The following HACD1 variants were observed in gnomAD, a reference collection of about 807,000 sequenced individuals.
HACD1 encodes 3-hydroxyacyl-CoA dehydratase 1.
HACD1 carries 41 observed loss-of-function variants against 32.0 expected under a neutral mutation model. The ratio of observed to expected loss-of-function variants is 1.28; its 90% CI spans 1.00 to 1.66. The LOEUF (loss-of-function observed/expected upper bound fraction) is 1.66. Ranked by LOEUF, HACD1 falls within the 40% of genes most tolerant of loss-of-function variation. HACD1 has a pLI of 0.00. For synonymous variants in HACD1, 142 were observed against 139.0 expected, an observed-to-expected ratio of 1.02 and a Z score of -0.15; for missense variants, 396 against 380.1, an observed-to-expected ratio of 1.04 and a Z score of -0.35.
chr10:17,608,756 G>A (rs1166878632), intron 1 of HACD1, among the ~76,000 whole-genome samples: 1 of 152,094 alleles, frequency 6.6e-6, no homozygotes, highest in Admixed American at 6.6e-5. Flanking sequence ...CAAAGTACTG[G>A]GGTTACAGAC....
At chr10:17,592,170 C>T (rs571515649) in intron 6 of HACD1, among the ~76,000 whole-genome samples, 34 of 151,430 alleles carry the variant, frequency 2.2e-4, no homozygotes, top group Non-Finnish European at 4.0e-4. Context: ...TTAGTAGAGA[C>T]GGGGTTTCAC....
chr10:17,612,853 C>T (rs1264750646), intron 1 of HACD1, among the ~76,000 whole-genome samples: 1 of 146,600 alleles, frequency 6.8e-6, no homozygotes, highest in Non-Finnish European at 1.5e-5. Flanking sequence ...ATCCGGGAGG[C>T]GGAACTTGCA....
In HACD1 at chr10:17,604,034, C is replaced by A; in HGVS notation, c.271G>T (p.Ala91Ser). 6.4e-7 allele frequency: 1 copy of A among 1,572,154 alleles called. No individual in the cohort carries two copies. Among genetic ancestry groups the A allele is most frequent in the Admixed American group, 2.1e-5 (1 of 47,770 alleles). ...IAMTAGWLVL[A>S]IAMVRFYMEK... ...ATATAAAAACGTACCATGGCAATAG[C>A]TAGAACCAACCACCTAAAAAAAAAA... The change falls in exon 2 of 7, where the codon GCT becomes TCT. Residue 91 changes from alanine (A) to serine (S), a missense_variant. By Grantham distance (99) the Ala-to-Ser change is moderately conservative (BLOSUM62 1). Coordinates refer to ENST00000361271, the MANE Select transcript of HACD1 (RefSeq NM_014241.4).
intron 1 of HACD1, among the ~76,000 whole-genome samples, chr10:17,611,625 G>A (rs146827539): frequency 1.4e-3 from 208 of 152,304 alleles, no homozygotes; most frequent in African/African-American, 4.7e-3. Context: ...AAAGAGAGAG[G>A]GAGGGAGAGA....
intron 6 of HACD1, among the ~76,000 whole-genome samples, chr10:17,593,893 C>T (rs1833960718): frequency 6.6e-6 from 1 of 152,042 alleles, no homozygotes; most frequent in Non-Finnish European, 1.5e-5. Flanking sequence ...GTAAAAAGTG[C>T]ACTAATGCTT....
Position 17,594,183 on chromosome 10 carries a change from G to C in HACD1, c.784+22C>G, listed in dbSNP as rs2272144. The C allele has an allele frequency of 0.26, 349,457 of 1,356,336 alleles. 47,594 individuals are homozygous for C. Among genetic ancestry groups the C allele is most frequent in the Non-Finnish European group, 0.28 (286,478 of 1,034,220 alleles). The allele number at this position is 1,356,336 out of a possible 1,614,324, so 84.0% of individuals were successfully genotyped here. On this transcript the variant is annotated intron_variant, in intron 6 of 6. Coordinates refer to ENST00000361271, the MANE Select transcript of HACD1 (RefSeq NM_014241.4). ...TTTCCACATCATATGTCAAATCAAAGTACTAATAAGTATATACTTACAAGG... is the reference window on the plus strand; with the variant it reads ...TTTCCACATCATATGTCAAATCAAACTACTAATAAGTATATACTTACAAGG...
chr10:17,605,367 A>G (rs1201797936), intron 1 of HACD1, among the ~76,000 whole-genome samples: 4 of 151,770 alleles, frequency 2.6e-5, no homozygotes, highest in Non-Finnish European at 5.9e-5. Context: ...TCTACTAAAA[A>G]TACGAAAATT....
intron 5 of HACD1, among the ~76,000 whole-genome samples, chr10:17,597,836 G>A (rs1470408862): frequency 6.6e-6 from 1 of 152,064 alleles, no homozygotes; most frequent in Non-Finnish European, 1.5e-5. Flanking sequence ...CATATAAATG[G>A]TAGTACAACC....
intron 1 of HACD1, among the ~76,000 whole-genome samples, chr10:17,612,783 G>T (rs944620991): frequency 2.0e-5 from 3 of 151,954 alleles, no homozygotes; most frequent in South Asian, 2.1e-4. Flanking sequence ...TTAGCCGGGC[G>T]TGGTGGCGGG....
chr10:17,603,998 T>C lies in HACD1; in HGVS notation c.307A>G (p.Thr103Ala). The change falls in exon 2 of 7, where the codon ACA (threonine) becomes GCA (alanine). Residue 103 changes from threonine (T) to alanine (A), a missense_variant. Thr to Ala is a moderately conservative substitution (Grantham distance 58, BLOSUM62 0). Transcript: ENST00000361271. Reference sequence around the variant, plus strand: ...ATACTTTTATATAAACCTCTGTGTGTTCCTTTTTCCATATAAAAACGTACC... The same window carrying C: ...ATACTTTTATATAAACCTCTGTGTGCTCCTTTTTCCATATAAAAACGTACC... ...AMVRFYMEKG[T>A]HRGLYKSIQK... The C allele has an allele frequency of 6.2e-7, 1 of 1,605,558 alleles. No individual in the cohort carries two copies. Among genetic ancestry groups the C allele is most frequent in the Non-Finnish European group, 8.5e-7 (1 of 1,177,904 alleles).
chr10:17,616,139 G>C (rs1833079638), intron 1 of HACD1, among the ~76,000 whole-genome samples: 1 of 151,598 alleles, frequency 6.6e-6, no homozygotes, highest in Non-Finnish European at 1.5e-5. Context: ...CGTGGTGGCG[G>C]GCGCCTGTAG....
At chr10:17,610,643 A>G (rs942576723) in intron 1 of HACD1, among the ~76,000 whole-genome samples, 4 of 152,178 alleles carry the variant, frequency 2.6e-5, no homozygotes, top group African/African-American at 9.7e-5. Context: ...AAAAAAAAAA[A>G]AAAGTACAAT....
In HACD1 at chr10:17,608,197, G is replaced by A. The variant is rs549233575; in HGVS notation, c.258-4150C>T. Among the ~76,000 whole-genome samples, 426 of 151,942 alleles carry A rather than the reference G, an allele frequency of 2.8e-3. 3 individuals carry two copies. Among genetic ancestry groups the A allele is most frequent in the Non-Finnish European group, 4.3e-3 (289 of 67,934 alleles). On this transcript the variant is annotated intron_variant, in intron 1 of 6. Transcript: ENST00000361271. Reference sequence around the variant, plus strand: ...GCTCATTATTGTTCTTGCTGTTGTGGGGTTTTTTTTAGTAGAGATGGGGTC... The same window carrying A: ...GCTCATTATTGTTCTTGCTGTTGTGAGGTTTTTTTTAGTAGAGATGGGGTC...
At chr10:17,595,985 C>CA (rs559270570) in intron 5 of HACD1, among the ~76,000 whole-genome samples, 29 of 150,142 alleles carry the variant, frequency 1.9e-4, no homozygotes, top group Non-Finnish European at 4.0e-4. Context: ...GACCCTGTCT[C>CA]AAAAAAAATA....
rs1554818219 is a variant in HACD1, at chr10:17,617,157, A to G, written c.183T>C (p.Ala61=). ...CCCCCAGGCGCCTCCGCTCGCCGGGAGCCTCCCGGTCCTCGCCGGCCTCCG... is the reference window on the plus strand; with the variant it reads ...CCCCCAGGCGCCTCCGCTCGCCGGGGGCCTCCCGGTCCTCGCCGGCCTCCG... ...GASEAGEDRE[A]PGERRRLGVL... is the part of the protein sequence containing the mutation. The change falls in exon 1 of 7, where the codon GCT becomes GCC. Residue 61 remains alanine, a synonymous_variant. Transcript: ENST00000361271. The G allele has an allele frequency of 6.6e-7, 1 of 1,505,830 alleles. No homozygotes were observed. The highest frequency in any genetic ancestry group is 8.8e-7 in the Non-Finnish European group (1 of 1,131,056). The allele number at this position is 1,505,830 out of a possible 1,614,324, so 93.3% of individuals were successfully genotyped here.
At chr10:17,599,015 C>CAA in intron 5 of HACD1, 1 of 397,978 alleles carries the variant, frequency 2.5e-6, no homozygotes. Flanking sequence ...TTGTGCTTTC[C>CAA]AAAAAAAAAT....
chr10:17,611,739 G>A (rs1281866028), intron 1 of HACD1, among the ~76,000 whole-genome samples: 3 of 152,158 alleles, frequency 2.0e-5, no homozygotes, highest in Non-Finnish European at 4.4e-5. Flanking sequence ...GGCCGAGGCA[G>A]GCAGATCACG....
intron 1 of HACD1, among the ~76,000 whole-genome samples, chr10:17,614,140 A>C (rs1460762757): frequency 1.3e-5 from 2 of 152,228 alleles, no homozygotes; most frequent in African/African-American, 2.4e-5. Flanking sequence ...AACACAAGGC[A>C]GATATTTCAA....
chr10:17,601,280 T>G (rs1190754764), intron 4 of HACD1, among the ~76,000 whole-genome samples: 1 of 152,120 alleles, frequency 6.6e-6, no homozygotes, highest in Non-Finnish European at 1.5e-5. Flanking sequence ...GTGATCCACC[T>G]GCCTCAGCCT....
Sources: allele counts gnomAD v4.1 joint callset (sites outside exome capture counted in the v4.1 genomes callset), GRCh38; gene constraint gnomAD v4.1.1; transcripts MANE v1.5; gene names NCBI Gene and HGNC (gene_info 2026-07-23, HGNC 2026-07-21).